Variants in NAALADL2 observed in about 807,000 individuals in gnomAD.
NAALADL2 encodes the protein N-acetylated alpha-linked acidic dipeptidase like 2.
Under a neutral mutation model 87.2 loss-of-function variants are expected in NAALADL2, and 76 were observed. The ratio of observed to expected loss-of-function variants is 0.87; its 90% CI spans 0.72 to 1.05. The LOEUF (loss-of-function observed/expected upper bound fraction) is 1.05. NAALADL2 is among the 50% of genes least tolerant of loss of function. The pLI, the probability that NAALADL2 is intolerant of heterozygous loss-of-function variation, is 0.00. For missense variants in NAALADL2, 1,089 were observed against 945.8 expected, an observed-to-expected ratio of 1.15 and a Z score of -1.99; for synonymous variants, 354 against 331.0, an observed-to-expected ratio of 1.07 and a Z score of -0.75.
chr3:174,853,101 C>T (rs1579209503), intron 3 of NAALADL2, among the ~76,000 whole-genome samples: 1 of 149,378 alleles, frequency 6.7e-6, no homozygotes, highest in African/African-American at 2.5e-5. Context: ...TGCAGTGGCT[C>T]AAGCCTGTAA....
chr3:175,803,970 A>T lies in NAALADL2; in HGVS notation c.*767A>T, dbSNP rs1450861052. 6.6e-6 allele frequency: 1 copy of T among 152,266 alleles called. No homozygotes were observed. Among genetic ancestry groups the T allele is most frequent in the African/African-American group, 2.4e-5 (1 of 41,382 alleles). The allele number at this position is 152,266 out of a possible 1,614,324, so 9.4% of individuals were successfully genotyped here. ...TGATGTATGTCTTAAGAGGGAGAAA[A>T]AAATATTTCTTATTACTTTTTCTCT... On this transcript the variant is annotated 3_prime_UTR_variant, in exon 14 of 14. Transcript: ENST00000454872.
At chr3:175,199,064 C>T (rs552632140) in intron 2 of NAALADL2, among the ~76,000 whole-genome samples, 2 of 152,224 alleles carry the variant, frequency 1.3e-5, no homozygotes, top group East Asian at 1.9e-4. Context: ...ATGTTAGATG[C>T]TATACAATTA....
chr3:175,184,270 T>C (rs1296418202), intron 2 of NAALADL2, among the ~76,000 whole-genome samples: 1 of 152,108 alleles, frequency 6.6e-6, no homozygotes, highest in Admixed American at 6.6e-5. Flanking sequence ...GCCTCAGAAC[T>C]TTTTCCCTTT....
chr3:174,822,849 T>G (rs1579076025), intron 3 of NAALADL2, among the ~76,000 whole-genome samples: 1 of 152,192 alleles, frequency 6.6e-6, no homozygotes, highest in Admixed American at 6.5e-5. Flanking sequence ...TTACTTTGTT[T>G]AGCCTTTTGC....
intron 9 of NAALADL2, among the ~76,000 whole-genome samples, chr3:175,511,170 A>G (rs751589377): frequency 6.6e-6 from 1 of 152,190 alleles, no homozygotes; most frequent in Non-Finnish European, 1.5e-5. Flanking sequence ...GGTCGTTCCT[A>G]GATAACCTGA....
intron 5 of NAALADL2, among the ~76,000 whole-genome samples, chr3:175,398,347 T>C (rs946189433): frequency 1.6e-5 from 2 of 126,836 alleles, no homozygotes; most frequent in Admixed American, 7.8e-5. Flanking sequence ...TCTGCTACTT[T>C]TTTTTTTTTT....
chr3:175,022,524 CAGTT>C (rs1223580404), intron 1 of NAALADL2, among the ~76,000 whole-genome samples: 2 of 152,020 alleles, frequency 1.3e-5, no homozygotes, highest in Admixed American at 6.6e-5. Context: ...AATATTTAGA[CAGTT>C]AGAGAGAATG....
Position 175,463,318 on chromosome 3 carries a change from A to G in NAALADL2, c.1235-83A>G, listed in dbSNP as rs1035581231. On this transcript the variant is annotated intron_variant, in intron 6 of 13. Transcript: ENST00000454872. The stretch of plus-strand genomic sequence containing the variant: ...ATTCTGTGGAATTCTTTTGCTGATG[A>G]TATTGGATAAAATAAATTTTAAGGT... The G allele has an allele frequency of 8.6e-6, 7 of 815,946 alleles. No individual in the cohort carries two copies. The African/African-American group carries it at 8.8e-5, about 10-fold the overall frequency. The allele number at this position is 815,946 out of a possible 1,614,324, so 50.5% of individuals were successfully genotyped here. A position where few individuals can be genotyped will look rare whatever the true frequency, so the allele number is the denominator to read the frequency against.
chr3:175,787,247 G>T (rs965578937), intron 13 of NAALADL2, among the ~76,000 whole-genome samples: 2 of 152,130 alleles, frequency 1.3e-5, no homozygotes, highest in Non-Finnish European at 1.5e-5. Context: ...CACCCAGTTC[G>T]AGCTTCCCGG....
rs79681123 is a variant in NAALADL2, at chr3:174,703,851, T to C, written c.-114-33790T>C. 6.2e-3 allele frequency among the ~76,000 whole-genome samples: 940 copies of C among 152,320 alleles called. 6 individuals carry two copies. Among genetic ancestry groups the C allele is most frequent in the African/African-American group, 0.022 (894 of 41,576 alleles). On this transcript the variant is annotated intron_variant, in intron 2 of 3. Transcript: ENST00000434257. The stretch of plus-strand genomic sequence containing the variant: ...CTTTTTCTTTTGCTTCACCCTGTGA[T>C]AGATAAAACAACATTCTGAAATGCT...
At chr3:175,172,938 A>G (rs1196047566) in intron 2 of NAALADL2, among the ~76,000 whole-genome samples, 2 of 152,138 alleles carry the variant, frequency 1.3e-5, no homozygotes, top group Non-Finnish European at 2.9e-5. Context: ...CAAAGGAATA[A>G]AAGTACAGCT....
chr3:175,761,897 C>CA (rs1299110130), intron 13 of NAALADL2, among the ~76,000 whole-genome samples: 2 of 151,992 alleles, frequency 1.3e-5, no homozygotes, highest in Non-Finnish European at 2.9e-5. Flanking sequence ...TTTTGGACAC[C>CA]AATCCTCTAT....
chr3:174,607,128 T>G (rs1377058629), intron 2 of NAALADL2, among the ~76,000 whole-genome samples: 1 of 152,022 alleles, frequency 6.6e-6, no homozygotes, highest in Admixed American at 6.6e-5. Context: ...AGAGATTTTG[T>G]CACCACCAGG....
At chr3:174,495,049 G>A (rs191838375) in intron 1 of NAALADL2, among the ~76,000 whole-genome samples, 3 of 152,234 alleles carry the variant, frequency 2.0e-5, no homozygotes, top group African/African-American at 7.2e-5. Flanking sequence ...GAATGTAATA[G>A]TGTTATTAAT....
chr3:174,658,939 A>G (rs1050718001), intron 2 of NAALADL2, among the ~76,000 whole-genome samples: 3 of 152,162 alleles, frequency 2.0e-5, no homozygotes, highest in Non-Finnish European at 4.4e-5. Flanking sequence ...ATCTCTCATT[A>G]CACTATATTT....
intron 13 of NAALADL2, among the ~76,000 whole-genome samples, chr3:175,783,482 T>C (rs1751448645): frequency 6.6e-6 from 1 of 151,560 alleles, no homozygotes; most frequent in Admixed American, 6.6e-5. Context: ...TGAATGGGAG[T>C]TCACTCATGA....
At chr3:175,707,090 A>C (rs1169087545) in intron 11 of NAALADL2, among the ~76,000 whole-genome samples, 1 of 152,090 alleles carries the variant, frequency 6.6e-6, no homozygotes, top group Non-Finnish European at 1.5e-5. Context: ...TCATTGTGAT[A>C]ATTTTTATTA....
intron 11 of NAALADL2, among the ~76,000 whole-genome samples, chr3:175,632,309 T>TCTCC (rs1727900579): frequency 7.1e-6 from 1 of 141,298 alleles, no homozygotes; most frequent in African/African-American, 2.7e-5. Flanking sequence ...TCTCTCTCTC[T>TCTCC]CCTACTCCCT....
At chr3:174,454,416 G>A (rs1020569482) in intron 1 of NAALADL2, among the ~76,000 whole-genome samples, 12 of 152,018 alleles carry the variant, frequency 7.9e-5, no homozygotes, top group African/African-American at 2.2e-4. Flanking sequence ...AACTCTCCAC[G>A]CTGGAAAAAC....
Sources: allele counts gnomAD v4.1 joint callset (sites outside exome capture counted in the v4.1 genomes callset), GRCh38; gene constraint gnomAD v4.1.1; transcripts MANE v1.5; gene names NCBI Gene and HGNC (gene_info 2026-07-23, HGNC 2026-07-21).